Variants in RASSF10 observed in about 807,000 individuals in gnomAD.
The protein encoded by RASSF10 is ras association domain-containing protein 10.
Under a neutral mutation model 41.5 loss-of-function variants are expected in RASSF10, and 22 were observed. The observed-to-expected ratio is 0.53, with a 90% CI of 0.38 to 0.76. The LOEUF (loss-of-function observed/expected upper bound fraction) is 0.76, where lower values mean the gene tolerates loss of function less well. RASSF10 is among the 30% of genes least tolerant of loss of function. The pLI is 0.00. For missense variants in RASSF10, 776 were observed against 711.8 expected (o/e 1.09, Z -1.03); for synonymous variants, 364 against 319.0 (o/e 1.14, Z -1.50).
In RASSF10 at chr11:13,009,994, C is replaced by T. The variant is rs995039215; in HGVS notation, c.418C>T (p.Pro140Ser). Reference protein sequence around the residue: ...RSEASLPNAGPRSAEARVVLS... With the variant: ...RSEASLPNAGSRSAEARVVLS... ...CGAGGCATCGCTGCCTAACGCCGGC[C>T]CCCGCAGCGCCGAGGCGCGCGTAGT... The change falls in exon 1 of 1, where the codon CCC becomes TCC. Residue 140 changes from proline to serine, a missense_variant. By Grantham distance (74) the Pro-to-Ser change is moderately conservative (BLOSUM62 -1). Coordinates refer to ENST00000529419, the MANE Select transcript of RASSF10 (RefSeq NM_001080521.3). The T allele has an allele frequency of 9.1e-6, 14 of 1,544,624 alleles. No homozygotes were observed. The highest frequency in any genetic ancestry group is 1.1e-5 in the Non-Finnish European group (13 of 1,143,322).
Position 13,010,285 on chromosome 11 carries a change from C to G in RASSF10, c.709C>G (p.His237Asp). ...GGTGCATCTGGTGCTTTCCCAGGAC[C>G]ACACAATTCGCCAGCAGGTGCAGCG... ...TLVHLVLSQD[H>D]TIRQQVQRLH... Residue 237 changes from histidine to aspartate, a missense_variant, in exon 1 of 1, where the codon CAC becomes GAC. His to Asp is a moderately conservative substitution (Grantham distance 81). Transcript: ENST00000529419. The surrounding 1 kb of genome is among the most constrained non-coding windows in gnomAD (Gnocchi z 4.8). The G allele has an allele frequency of 6.4e-7, 1 of 1,557,330 alleles. No homozygotes were observed. The highest frequency in any genetic ancestry group is 8.7e-7 in the Non-Finnish European group (1 of 1,150,706).
chr11:13,009,514 C>T lies in RASSF10; in HGVS notation c.-63C>T. On this transcript the variant is annotated 5_prime_UTR_variant, in exon 1 of 1. Coordinates refer to ENST00000529419, the MANE Select transcript of RASSF10 (RefSeq NM_001080521.3). ...CCCATCCCAGAGCTACTGGGCTGCC[C>T]TTGCTGTCCTCGCCGCCCCAGCAGA... 6.4e-7 allele frequency: 1 copy of T among 1,567,032 alleles called. No homozygotes were observed. The highest frequency in any genetic ancestry group is 8.7e-7 in the Non-Finnish European group (1 of 1,155,844).
Position 13,010,507 on chromosome 11 carries a change from G to A in RASSF10, c.931G>A (p.Ala311Thr). 6.6e-7 allele frequency: 1 copy of A among 1,516,224 alleles called. No homozygotes were observed. Among genetic ancestry groups the A allele is most frequent in the Non-Finnish European group, 8.8e-7 (1 of 1,131,674 alleles). 93.9% of individuals were successfully genotyped at this position (1,516,224 alleles called of 1,614,324 possible). A position where few individuals can be genotyped will look rare whatever the true frequency, so the allele number is the denominator to read the frequency against. ...AEEAAAAPPL[A>T]GEAQAAALEE... Reference sequence around the variant, plus strand: ...GGAGGCGGCGGCGGCGCCCCCTCTAGCCGGCGAGGCGCAGGCGGCGGCGCT... The same window carrying A: ...GGAGGCGGCGGCGGCGCCCCCTCTAACCGGCGAGGCGCAGGCGGCGGCGCT... The change falls in exon 1 of 1, where the codon GCC becomes ACC. Residue 311 changes from alanine to threonine, a missense_variant. Coordinates refer to ENST00000529419, the MANE Select transcript of RASSF10 (RefSeq NM_001080521.3). The surrounding 1 kb of genome is among the most constrained non-coding windows in gnomAD (Gnocchi z 4.8).
In RASSF10 at chr11:13,010,585, GT is replaced by G; in HGVS notation, c.1011del (p.Gln338SerfsTer71). 6.4e-7 allele frequency: 1 copy of G among 1,571,708 alleles called. No individual in the cohort carries two copies. Among genetic ancestry groups the G allele is most frequent in the Non-Finnish European group, 8.6e-7 (1 of 1,158,984 alleles). Reference protein sequence around the residue: ...DDLLRLQEQRVQQEELLERLS... With the variant: ...DDLLRLQEQRXQQEELLERLS... Reference sequence around the variant, plus strand: ...CTTGCTGCGGCTTCAGGAGCAACGGGTTCAGCAGGAGGAGTTGCTGGAGCGC... The same window carrying G: ...CTTGCTGCGGCTTCAGGAGCAACGGGTCAGCAGGAGGAGTTGCTGGAGCGC... On this transcript the variant is annotated frameshift_variant, in exon 1 of 1. Transcript: ENST00000529419. LOFTEE classifies it high-confidence loss of function. This position sits in a 1 kb window ranked among gnomAD's most constrained non-coding sequence, Gnocchi z 4.8.
At position 13,011,059 on chromosome 11, in the gene RASSF10, C is replaced by A. The variant is rs763651330; in HGVS notation, c.1483C>A (p.Gln495Lys). The A allele has an allele frequency of 1.0e-5, 16 of 1,593,220 alleles. No individual in the cohort carries two copies. The highest frequency in any genetic ancestry group is 1.4e-5 in the Non-Finnish European group (16 of 1,172,112). Residue 495 changes from glutamine (Q) to lysine (K), a missense_variant, in exon 1 of 1, where the codon CAA becomes AAA. Coordinates refer to ENST00000529419, the MANE Select transcript of RASSF10 (RefSeq NM_001080521.3). ...TACGGGACTGAGCTCTATGCATAGC[C>A]AAGACTCGGACTCCTTGCCCATGTG... ...SDTGLSSMHS[Q>K]DSDSLPMCES...
rs772800430 is a variant in RASSF10 at position 13,010,287 on chromosome 11, C to G, written c.711C>G (p.His237Gln). ...TLVHLVLSQD[H>Q]TIRQQVQRLH... The stretch of plus-strand genomic sequence containing the variant: ...TGCATCTGGTGCTTTCCCAGGACCA[C>G]ACAATTCGCCAGCAGGTGCAGCGGC... Residue 237 changes from histidine (H) to glutamine (Q), a missense_variant, in exon 1 of 1, where the codon CAC (histidine) becomes CAG (glutamine). Physicochemically the swap from His to Gln is conservative, Grantham distance 24. Transcript: ENST00000529419. The surrounding 1 kb of genome is among the most constrained non-coding windows in gnomAD (Gnocchi z 4.8). The G allele has an allele frequency of 3.2e-6, 5 of 1,555,780 alleles. No homozygotes were observed. The Admixed American group carries it at 9.7e-5, about 30-fold the overall frequency.
chr11:13,010,412 T>C lies in RASSF10; in HGVS notation c.836T>C (p.Val279Ala), dbSNP rs1054780583. The change falls in exon 1 of 1, where the codon GTT (valine) becomes GCT (alanine). Residue 279 changes from valine to alanine, a missense_variant. By Grantham distance (64) the Val-to-Ala change is moderately conservative (BLOSUM62 0). Coordinates refer to ENST00000529419, the MANE Select transcript of RASSF10 (RefSeq NM_001080521.3). This position sits in a 1 kb window ranked among gnomAD's most constrained non-coding sequence, Gnocchi z 4.8. ...GVNYVQDTYL[V>A]GAGIELDGSR... ...AACTACGTGCAGGACACTTACTTGG[T>C]TGGGGCAGGCATCGAGCTCGACGGG... is the stretch of plus-strand genomic sequence containing the variant. The C allele has an allele frequency of 2.6e-6, 4 of 1,548,486 alleles. No individual in the cohort carries two copies. The Admixed American group carries it at 5.9e-5, about 23-fold the overall frequency.
At position 13,010,689 on chromosome 11, in the gene RASSF10, G is replaced by A; in HGVS notation, c.1113G>A (p.Glu371=). The A allele has an allele frequency of 6.3e-7, 1 of 1,590,846 alleles. No homozygotes were observed. The highest frequency in any genetic ancestry group is 8.6e-7 in the Non-Finnish European group (1 of 1,169,508). The change falls in exon 1 of 1, where the codon GAG becomes GAA. Residue 371 remains glutamate, a synonymous_variant. Coordinates refer to ENST00000529419, the MANE Select transcript of RASSF10 (RefSeq NM_001080521.3). The surrounding 1 kb of genome is among the most constrained non-coding windows in gnomAD (Gnocchi z 4.8). ...RRQEELAARE[E]PLEPDGGPDG... Reference sequence around the variant, plus strand: ...AGGAGGAGCTGGCGGCGCGGGAGGAGCCCCTGGAGCCCGACGGTGGCCCCG... The same window carrying A: ...AGGAGGAGCTGGCGGCGCGGGAGGAACCCCTGGAGCCCGACGGTGGCCCCG...
In RASSF10 at chr11:13,010,937, C is replaced by A. The variant is rs1056224870; in HGVS notation, c.1361C>A (p.Pro454His). 6.2e-7 allele frequency: 1 copy of A among 1,613,730 alleles called. No individual in the cohort carries two copies. Among genetic ancestry groups the A allele is most frequent in the Admixed American group, 1.7e-5 (1 of 60,014 alleles). The change falls in exon 1 of 1, where the codon CCC (proline) becomes CAC (histidine). Residue 454 changes from proline to histidine, a missense_variant. Pro to His is a moderately conservative substitution (Grantham distance 77). Transcript: ENST00000529419. This position sits in a 1 kb window ranked among gnomAD's most constrained non-coding sequence, Gnocchi z 4.8. ...GATGGGGCTCCTGGCTCTGGCAGTC[C>A]CTCGCGGGAACCTGGGCCTCAAGCC... Reference protein sequence around the residue: ...APDGAPGSGSPSREPGPQACA... With the variant: ...APDGAPGSGSHSREPGPQACA...
In RASSF10 at chr11:13,010,466, T is replaced by C; in HGVS notation, c.890T>C (p.Val297Ala). The change falls in exon 1 of 1, where the codon GTG becomes GCG. Residue 297 changes from valine to alanine, a missense_variant. Coordinates refer to ENST00000529419, the MANE Select transcript of RASSF10 (RefSeq NM_001080521.3). The surrounding 1 kb of genome is among the most constrained non-coding windows in gnomAD (Gnocchi z 4.8). ...GSRPGEEPEE[V>A]AAEAEEAAAA... ...AGACCGGGAGAGGAGCCAGAAGAGG[T>C]GGCGGCGGAGGCGGAGGAGGCGGCG... 1 of 1,527,756 alleles carries C rather than the reference T, an allele frequency of 6.5e-7. No homozygotes were observed. The highest frequency in any genetic ancestry group is 8.8e-7 in the Non-Finnish European group (1 of 1,135,786). The allele number at this position is 1,527,756 out of a possible 1,614,324, so 94.6% of individuals were successfully genotyped here.
Position 13,011,622 on chromosome 11 carries a change from C to G in RASSF10, c.*522C>G, listed in dbSNP as rs1334770452. The G allele has an allele frequency of 6.6e-6, 1 of 152,656 alleles. No individual in the cohort carries two copies. The highest frequency in any genetic ancestry group is 1.5e-5 in the Non-Finnish European group (1 of 68,440). The allele number at this position is 152,656 out of a possible 1,614,324, so 9.5% of individuals were successfully genotyped here. A position where few individuals can be genotyped will look rare whatever the true frequency, so the allele number is the denominator to read the frequency against. On this transcript the variant is annotated 3_prime_UTR_variant, in exon 1 of 1. Coordinates refer to ENST00000529419, the MANE Select transcript of RASSF10 (RefSeq NM_001080521.3). ...GCCTTTCTTACCTCTTTGATAAAAC[C>G]CATAGGCACCAAAATCCTGGCTGTT...
In RASSF10 at chr11:13,009,443, G is replaced by A. The variant is rs1046898057; in HGVS notation, c.-134G>A. The A allele has an allele frequency of 6.7e-7, 1 of 1,497,434 alleles. No homozygotes were observed. The highest frequency in any genetic ancestry group is 8.9e-7 in the Non-Finnish European group (1 of 1,125,636). 92.8% of individuals were successfully genotyped at this position (1,497,434 alleles called of 1,614,324 possible). On this transcript the variant is annotated 5_prime_UTR_variant, in exon 1 of 1. Coordinates refer to ENST00000529419, the MANE Select transcript of RASSF10 (RefSeq NM_001080521.3). ...CCAGCCTGCCTTCGGTGCGCAGCGG[G>A]GGAACAGGGCTAGTGCAGCCGCCGG... is the stretch of plus-strand genomic sequence containing the variant.
chr11:13,010,028 G>C lies in RASSF10; in HGVS notation c.452G>C (p.Arg151Pro), dbSNP rs895218238. The change falls in exon 1 of 1, where the codon CGA becomes CCA. Residue 151 changes from arginine (R) to proline (P), a missense_variant. Transcript: ENST00000529419. The surrounding 1 kb of genome is among the most constrained non-coding windows in gnomAD (Gnocchi z 4.8). ...RSAEARVVLS[R>P]ERPCPARGAP... ...GCCGAGGCGCGCGTAGTGCTGAGCC[G>C]AGAGCGCCCCTGTCCGGCCCGCGGG... 1 of 1,544,696 alleles carries C rather than the reference G, an allele frequency of 6.5e-7. No individual in the cohort carries two copies. Among genetic ancestry groups the C allele is most frequent in the Non-Finnish European group, 8.7e-7 (1 of 1,143,760 alleles).
Position 13,011,216 on chromosome 11 carries a change from G to A in RASSF10, c.*116G>A, listed in dbSNP as rs914843256. The A allele has an allele frequency of 1.2e-6, 1 of 846,782 alleles. No homozygotes were observed. The highest frequency in any genetic ancestry group is 1.8e-6 in the Non-Finnish European group (1 of 558,880). 52.5% of individuals were successfully genotyped at this position (846,782 alleles called of 1,614,324 possible). ...AGGCTGTTGCGAGCCCAGAGCTCCG[G>A]CTGGGCAGCAGCGCTCTGCGCAGCC... On this transcript the variant is annotated 3_prime_UTR_variant, in exon 1 of 1. Transcript: ENST00000529419.
chr11:13,011,861 G>C lies in RASSF10; in HGVS notation c.*761G>C, dbSNP rs186226758. ...ATAAAATCCTGGCAAACATAATCGT[G>C]GTTAAAATTTAATCTGGGCCCTTTG... On this transcript the variant is annotated 3_prime_UTR_variant, in exon 1 of 1. Transcript: ENST00000529419. The C allele has an allele frequency of 8.5e-5, 13 of 152,306 alleles. No individual in the cohort carries two copies. The East Asian group carries it at 2.5e-3, about 29-fold the overall frequency. 9.4% of individuals were successfully genotyped at this position (152,306 alleles called of 1,614,324 possible). A position where few individuals can be genotyped will look rare whatever the true frequency, so the allele number is the denominator to read the frequency against.
In RASSF10 at chr11:13,010,309, C is replaced by T; in HGVS notation, c.733C>T (p.Arg245Trp). ...CCACACAATTCGCCAGCAGGTGCAG[C>T]GGCTCCACGAGCTGGACCGCGAGAT... Reference protein sequence around the residue: ...QDHTIRQQVQRLHELDREIDH... With the variant: ...QDHTIRQQVQWLHELDREIDH... Residue 245 changes from arginine (R) to tryptophan (W), a missense_variant, in exon 1 of 1, where the codon CGG (arginine) becomes TGG (tryptophan). Arg to Trp is a moderately radical substitution (Grantham distance 101). Coordinates refer to ENST00000529419, the MANE Select transcript of RASSF10 (RefSeq NM_001080521.3). This position sits in a 1 kb window ranked among gnomAD's most constrained non-coding sequence, Gnocchi z 4.8. The T allele has an allele frequency of 1.3e-6, 2 of 1,552,258 alleles. No individual in the cohort carries two copies. Among genetic ancestry groups the T allele is most frequent in the Non-Finnish European group, 8.7e-7 (1 of 1,147,626 alleles).
Position 13,009,741 on chromosome 11 carries a change from C to T in RASSF10, c.165C>T (p.Ala55=), listed in dbSNP as rs61879069. 0.03 allele frequency: 47,126 copies of T among 1,580,660 alleles called. 816 individuals carry two copies. Among genetic ancestry groups the T allele is most frequent in the Middle Eastern group, 0.035 (209 of 5,934 alleles). ...GGCGGAGCCGGCGGCTGGGGTCGGC[C>T]GGCGACCCGCATGGCCCGGGAGAGC... ...RQRRSRRLGS[A]GDPHGPGELP... Residue 55 remains alanine (A), a synonymous_variant, in exon 1 of 1, where the codon GCC becomes GCT. Transcript: ENST00000529419.
chr11:13,011,089 T>A lies in RASSF10; in HGVS notation c.1513T>A (p.Ser505Thr), dbSNP rs755141527. The A allele has an allele frequency of 1.4e-6, 1 of 713,274 alleles. No homozygotes were observed. Among genetic ancestry groups the A allele is most frequent in the Non-Finnish European group, 2.1e-6 (1 of 480,494 alleles). 44.2% of individuals were successfully genotyped at this position (713,274 alleles called of 1,614,324 possible). ...QDSDSLPMCE[S>T]LV ...CTCGGACTCCTTGCCCATGTGCGAA[T>A]CCCTTGTGTAGGGGTGGGGGGCGGG... Residue 505 changes from serine (S) to threonine (T), a missense_variant, in exon 1 of 1, where the codon TCC becomes ACC. By Grantham distance (58) the Ser-to-Thr change is moderately conservative (BLOSUM62 1). Transcript: ENST00000529419.
Position 13,010,967 on chromosome 11 carries a change from C to G in RASSF10, c.1391C>G (p.Ala464Gly). 6.2e-7 allele frequency: 1 copy of G among 1,613,750 alleles called. No homozygotes were observed. The highest frequency in any genetic ancestry group is 8.5e-7 in the Non-Finnish European group (1 of 1,179,868). ...CGGGAACCTGGGCCTCAAGCCTGCGCCGACATGTGGGTGGACCAGGCCCGT... is the reference window on the plus strand; with the variant it reads ...CGGGAACCTGGGCCTCAAGCCTGCGGCGACATGTGGGTGGACCAGGCCCGT... ...PSREPGPQAC[A>G]DMWVDQARGL... The change falls in exon 1 of 1, where the codon GCC (alanine) becomes GGC (glycine). Residue 464 changes from alanine to glycine, a missense_variant. Ala to Gly is a moderately conservative substitution (Grantham distance 60, BLOSUM62 0). Transcript: ENST00000529419. The surrounding 1 kb of genome is among the most constrained non-coding windows in gnomAD (Gnocchi z 4.8).
Sources: allele counts gnomAD v4.1 joint callset, GRCh38; gene constraint gnomAD v4.1.1; non-coding constraint Gnocchi (gnomAD v3.1); transcripts MANE v1.5; gene names NCBI Gene and HGNC (gene_info 2026-07-23, HGNC 2026-07-21).